PDXDC1: variants seen among roughly 807,000 people sequenced by gnomAD.
The protein encoded by PDXDC1 is pyridoxal dependent decarboxylase domain containing 1.
In PDXDC1, 42 loss-of-function variants were observed where a neutral mutation model predicts 100.1. That is an observed-to-expected ratio of 0.42 (90% confidence interval 0.33 to 0.54). The LOEUF (loss-of-function observed/expected upper bound fraction) is 0.54, where lower values mean the gene tolerates loss of function less well. PDXDC1 is among the 20% of genes least tolerant of loss of function. The pLI, the probability that PDXDC1 is intolerant of heterozygous loss-of-function variation, is 0.10. For synonymous variants in PDXDC1, 260 were observed against 371.7 expected (o/e 0.70, Z 3.46); for missense variants, 636 against 979.2 (o/e 0.65, Z 4.68).
At chr16:15,015,143 G>A (rs1191180835) in intron 8 of PDXDC1, among the ~76,000 whole-genome samples, 9 of 152,324 alleles carry the variant, frequency 5.9e-5, no homozygotes, top group East Asian at 1.9e-4. Flanking sequence ...GGATTTCACC[G>A]TGTTAGCCAG....
At position 14,977,357 on chromosome 16, in the gene PDXDC1, G is replaced by A. The variant is rs552897609; in HGVS notation, c.21+2137G>A. Among the ~76,000 whole-genome samples the A allele has an allele frequency of 1.1e-4, 15 of 136,412 alleles. No homozygotes were observed. The East Asian group carries it at 3.3e-3, about 30-fold the overall frequency. 89.5% of individuals were successfully genotyped at this position (136,412 alleles called of 152,430 possible). On this transcript the variant is annotated intron_variant, in intron 1 of 22. Coordinates refer to ENST00000396410, the MANE Select transcript of PDXDC1 (RefSeq NM_015027.4). ...TGCAGTGAGGCGATCTCGGATCCCT[G>A]CAACCTCCGCCTCCCGGATTCAAGT...
chr16:15,138,192 AT>A, intron 16 of PDXDC1: 1 of 343,108 alleles, frequency 2.9e-6, no homozygotes, highest in South Asian at 2.5e-5. Flanking sequence ...CACAACTTAC[AT>A]TTCACTTAAA....
chr16:15,060,986 G>A (rs139353519), intron 16 of PDXDC1: 1 of 152,220 alleles, frequency 6.6e-6, no homozygotes, highest in East Asian at 1.9e-4. Context: ...CTCACTTTCA[G>A]TCTGTGTGAA....
intron 22 of PDXDC1, 82 bp downstream of exon 22, chr16:15,035,635 A>G: frequency 1.4e-6 from 1 of 727,638 alleles, no homozygotes; most frequent in Non-Finnish European, 2.3e-6. Context: ...GGGTTCTTGA[A>G]CTCCAGAGGT....
intron 16 of PDXDC1, chr16:15,055,965 G>A: frequency 8.2e-7 from 1 of 1,225,190 alleles, no homozygotes; most frequent in Non-Finnish European, 1.0e-6. Context: ...TCGACGAGCA[G>A]CGGCATCGCG....
intron 16 of PDXDC1, chr16:15,073,081 C>CA (rs753359103): frequency 6.2e-7 from 1 of 1,603,038 alleles, no homozygotes; most frequent in Non-Finnish European, 8.5e-7. Flanking sequence ...TCAACCTTAC[C>CA]TATGGAGAAA....
chr16:15,103,190 AGAG>A, intron 16 of PDXDC1: 3 of 579,878 alleles, frequency 5.2e-6, no homozygotes, highest in Non-Finnish European at 9.2e-6. Context: ...TCCTGGCAAG[AGAG>A]GAGGGCCAGG....
chr16:14,990,332 A>G (rs1432352360), intron 1 of PDXDC1, among the ~76,000 whole-genome samples: 7 of 152,234 alleles, frequency 4.6e-5, no homozygotes, highest in African/African-American at 9.6e-5. Flanking sequence ...TTCTCCTACA[A>G]TTTAATTCTT....
At chr16:15,074,769 C>G (rs764903237) in intron 16 of PDXDC1, 3 of 1,614,040 alleles carry the variant, frequency 1.9e-6, no homozygotes, top group Non-Finnish European at 2.5e-6. Context: ...CCAAAGACAT[C>G]AGGATGTCCA....
At chr16:15,080,998 G>C (rs139356674) in intron 16 of PDXDC1, among the ~76,000 whole-genome samples, 2 of 152,084 alleles carry the variant, frequency 1.3e-5, no homozygotes, top group East Asian at 3.9e-4. Flanking sequence ...CATATCAATG[G>C]AGTCATATAA....
intron 16 of PDXDC1, chr16:15,138,107 G>A (rs2048407559): frequency 2.2e-6 from 1 of 453,440 alleles, no homozygotes. Flanking sequence ...AAGCCTGGAA[G>A]GGGACACAGA....
chr16:15,030,544 CAAAAAA>C (rs1156634836), intron 16 of PDXDC1, among the ~76,000 whole-genome samples: 12 of 38,376 alleles, frequency 3.1e-4, no homozygotes, highest in East Asian at 2.2e-3. Flanking sequence ...GACTCCATCT[CAAAAAA>C]AAAAAAAAAA....
chr16:15,132,716 C>T (rs1454194688), intron 16 of PDXDC1: 1 of 996,906 alleles, frequency 1.0e-6, no homozygotes, highest in Non-Finnish European at 1.6e-6. Flanking sequence ...GTGGGGCCAT[C>T]CTACCATGCA....
chr16:15,092,584 G>C, intron 16 of PDXDC1: 1 of 1,613,048 alleles, frequency 6.2e-7, no homozygotes, highest in Non-Finnish European at 8.5e-7. Context: ...AATTGAAAAA[G>C]TCATTCTCTA....
At chr16:15,136,265 G>A (rs2151928881) in intron 16 of PDXDC1, 3 of 616,696 alleles carry the variant, frequency 4.9e-6, no homozygotes, top group Admixed American at 2.9e-5. Flanking sequence ...CTGGAGAGCA[G>A]GGCCCACCAC....
intron 16 of PDXDC1, among the ~76,000 whole-genome samples, chr16:15,087,974 C>T (rs188539485): frequency 9.2e-5 from 14 of 152,036 alleles, no homozygotes; most frequent in Admixed American, 3.3e-4. Context: ...ATTAGCTGGG[C>T]GTGGTGGTGC....
chr16:14,994,701 A>G (rs2151299882), intron 1 of PDXDC1, among the ~76,000 whole-genome samples: 1 of 152,392 alleles, frequency 6.6e-6, no homozygotes, highest in African/African-American at 2.4e-5. Context: ...GTTGATGGGG[A>G]TGGCATTGAA....
At chr16:15,089,644 C>CA (rs2046043224) in intron 16 of PDXDC1, among the ~76,000 whole-genome samples, 2 of 150,890 alleles carry the variant, frequency 1.3e-5, no homozygotes, top group African/African-American at 2.4e-5. Context: ...ACTAAAAATA[C>CA]AAAAAATTAG....
intron 16 of PDXDC1, among the ~76,000 whole-genome samples, chr16:15,132,371 A>AC (rs2048138666): frequency 1.1e-4 from 1 of 9,112 alleles, no homozygotes; most frequent in Non-Finnish European, 2.9e-4. Flanking sequence ...GGGCAAGGGG[A>AC]GGGAGGGGGA....
Sources: gnomAD v4.1 joint callset for allele counts (sites outside exome capture counted in the v4.1 genomes callset) on GRCh38, gnomAD v4.1.1 for gene constraint, MANE v1.5 for transcripts, NCBI Gene and HGNC (gene_info 2026-07-23, HGNC 2026-07-21) for gene names.